ELF1: variants seen among roughly 807,000 people sequenced by gnomAD.
The protein encoded by ELF1 is E74 like ETS transcription factor 1.
In ELF1, 24 loss-of-function variants were observed where a neutral mutation model predicts 59.9. That is an observed-to-expected ratio of 0.40 (90% CI 0.29 to 0.56). ELF1 has a LOEUF of 0.56. Among genes scored for constraint, ELF1 ranks in the 20% least tolerant of loss-of-function variants. ELF1 has a pLI of 0.44. For synonymous variants in ELF1, 248 were observed against 266.2 expected, an observed-to-expected ratio of 0.93 and a Z score of 0.67; for missense variants, 627 against 742.2, an observed-to-expected ratio of 0.84 and a Z score of 1.80.
Position 40,945,774 on chromosome 13 carries a change from G to A in ELF1, c.530-1849C>T, listed in dbSNP as rs577751748. On this transcript the variant is annotated intron_variant, in intron 5 of 8. Coordinates refer to ENST00000239882, the MANE Select transcript of ELF1 (RefSeq NM_172373.4). ...TTTTTAATCCACACTAAATTTACTG[G>A]AGTTTACTAATTCTTTCTTAAGCAG... Among the ~76,000 whole-genome samples, 6 of 152,198 alleles carry A rather than the reference G, an allele frequency of 3.9e-5. No homozygotes were observed. The South Asian group carries it at 1.2e-3, about 32-fold the overall frequency.
At position 40,948,402 on chromosome 13, in the gene ELF1, T is replaced by C. The variant is rs140867860; in HGVS notation, c.529+1404A>G. Among the ~76,000 whole-genome samples, 41 of 152,312 alleles carry C rather than the reference T, an allele frequency of 2.7e-4. No individual in the cohort carries two copies. The East Asian group carries it at 4.6e-3, about 17-fold the overall frequency. On this transcript the variant is annotated intron_variant, in intron 5 of 8. Transcript: ENST00000239882. ...GCTGAGGTCTCTGTCCGATACCCCATCTTGCGTAGCCCAAGACCTAAGCTT... is the reference window on the plus strand; with the variant it reads ...GCTGAGGTCTCTGTCCGATACCCCACCTTGCGTAGCCCAAGACCTAAGCTT...
At chr13:40,948,868 G>A (rs1346513861) in intron 5 of ELF1, among the ~76,000 whole-genome samples, 2 of 152,218 alleles carry the variant, frequency 1.3e-5, no homozygotes, top group African/African-American at 4.8e-5. Context: ...GAAGGAAGCT[G>A]ACTAGACCTT....
At chr13:41,054,765 A>G (rs1246043551) in intron 1 of ELF1, among the ~76,000 whole-genome samples, 1 of 152,164 alleles carries the variant, frequency 6.6e-6, no homozygotes. Context: ...TGGAGTGGGA[A>G]CAGGAAAGGG....
At position 40,941,105 on chromosome 13, in the gene ELF1, G is replaced by T. The variant is rs868591014; in HGVS notation, c.1072C>A (p.Pro358Thr). ...TCTGATGGTTGTGCAACTTCCACAGGATCTTTGGGTTTTGCAGCTTTAGAA... is the reference window on the plus strand; with the variant it reads ...TCTGATGGTTGTGCAACTTCCACAGTATCTTTGGGTTTTGCAGCTTTAGAA... ...GNSKAAKPKDPVEVAQPSEVL... is the reference protein window; with the variant it reads ...GNSKAAKPKDTVEVAQPSEVL... The change falls in exon 8 of 9, where the codon CCT (proline) becomes ACT (threonine). Residue 358 changes from proline to threonine, a missense_variant. Coordinates refer to ENST00000239882, the MANE Select transcript of ELF1 (RefSeq NM_172373.4). The T allele has an allele frequency of 6.2e-7, 1 of 1,614,146 alleles. No individual in the cohort carries two copies. The highest frequency in any genetic ancestry group is 8.5e-7 in the Non-Finnish European group (1 of 1,180,028).
intron 2 of ELF1, 93 bp downstream of exon 2, chr13:40,981,890 T>G (rs575642419): frequency 4.2e-5 from 58 of 1,382,736 alleles, no homozygotes; most frequent in Non-Finnish European, 5.3e-5. Flanking sequence ...CAATAAAGTT[T>G]CTCTCATTGT....
intron 1 of ELF1, among the ~76,000 whole-genome samples, chr13:41,041,260 C>CA (rs11326566): frequency 0.18 from 20,897 of 114,972 alleles, 1,802 homozygotes; most frequent in East Asian, 0.33. Flanking sequence ...CTGGTTTCAT[C>CA]AAAAAAAAAA....
intron 7 of ELF1, among the ~76,000 whole-genome samples, chr13:40,941,899 T>C (rs548801578): frequency 6.6e-6 from 1 of 152,166 alleles, no homozygotes; most frequent in Non-Finnish European, 1.5e-5. Context: ...GCTGAAACGA[T>C]CCTTCCTTCT....
intron 8 of ELF1, among the ~76,000 whole-genome samples, chr13:40,938,221 A>G (rs967993505): frequency 6.6e-6 from 1 of 152,244 alleles, no homozygotes; most frequent in East Asian, 1.9e-4. Context: ...GGCAATTTTC[A>G]GAAAATAGTT....
In ELF1 at chr13:40,940,386, G is replaced by GAAAA. The variant is rs375400990; in HGVS notation, c.1256+531_1256+534dup. Among the ~76,000 whole-genome samples the GAAAA allele has an allele frequency of 5.3e-3, 576 of 109,518 alleles. 5 individuals are homozygous for GAAAA. Among genetic ancestry groups the GAAAA allele is most frequent in the East Asian group, 0.014 (28 of 1,956 alleles). The allele number at this position is 109,518 out of a possible 152,430, so 71.8% of individuals were successfully genotyped here. ...GCTCTGAGGCAAATCTGATTTAACT[G>GAAAA]AAAAAAAAAAAAAAAAAAAAAAAAA... On this transcript the variant is annotated intron_variant, in intron 8 of 8. Coordinates refer to ENST00000239882, the MANE Select transcript of ELF1 (RefSeq NM_172373.4).
In ELF1 at chr13:40,992,844, TC is replaced by T. The variant is rs1166788286; in HGVS notation, c.-228-10563del. The T allele has an allele frequency of 1.0e-4, 57 of 549,366 alleles. No homozygotes were observed. The Middle Eastern group carries it at 6.3e-3, about 61-fold the overall frequency. 34.0% of individuals were successfully genotyped at this position (549,366 alleles called of 1,614,324 possible). A position where few individuals can be genotyped will look rare whatever the true frequency, so the allele number is the denominator to read the frequency against. On this transcript the variant is annotated intron_variant, in intron 1 of 8. Coordinates refer to ENST00000239882, the MANE Select transcript of ELF1 (RefSeq NM_172373.4). ...CCAACAAATTTCTGTTGATCACCTC[TC>T]TAACTCAAGAATTCTCTAGCTCGAG...
At chr13:41,029,195 T>C (rs1403763472) in intron 1 of ELF1, among the ~76,000 whole-genome samples, 3 of 152,218 alleles carry the variant, frequency 2.0e-5, no homozygotes, top group Non-Finnish European at 4.4e-5. Context: ...AATTTCGTAA[T>C]TGTCTCTATT....
intron 1 of ELF1, among the ~76,000 whole-genome samples, chr13:41,016,816 A>G (rs1262700245): frequency 6.9e-6 from 1 of 145,678 alleles, no homozygotes; most frequent in African/African-American, 2.5e-5. Context: ...TGGGAGGCTG[A>G]GGCAGGAGAA....
At chr13:40,990,721 G>C (rs1163326199) in intron 1 of ELF1, among the ~76,000 whole-genome samples, 1 of 151,826 alleles carries the variant, frequency 6.6e-6, no homozygotes, top group Non-Finnish European at 1.5e-5. Context: ...CGGGCTTGGT[G>C]GTGTGTGCCT....
intron 7 of ELF1, 42 bp from the exon 8 acceptor site, chr13:40,941,412 T>A: frequency 6.7e-7 from 1 of 1,488,584 alleles, no homozygotes; most frequent in Non-Finnish European, 9.0e-7. Flanking sequence ...CAAACATCAA[T>A]TAAAATATTC....
intron 1 of ELF1, among the ~76,000 whole-genome samples, chr13:40,989,935 A>T (rs1003870296): frequency 6.6e-6 from 1 of 152,216 alleles, no homozygotes; most frequent in Admixed American, 6.5e-5. Context: ...GCATTGCAAA[A>T]TAACCAAGTG....
At chr13:41,021,158 T>C (rs1875675408), upstream of ELF1, among the ~76,000 whole-genome samples, 1 of 152,222 alleles carries the variant, frequency 6.6e-6, no homozygotes, top group African/African-American at 2.4e-5. Flanking sequence ...GTGTGAGATG[T>C]TTTATGTAGA....
At chr13:41,048,682 G>C (rs757732200) in intron 1 of ELF1, among the ~76,000 whole-genome samples, 95 of 151,732 alleles carry the variant, frequency 6.3e-4, no homozygotes, top group Non-Finnish European at 1.1e-3. Context: ...TAAAGTGCTG[G>C]GATTACAGTT....
intron 5 of ELF1, among the ~76,000 whole-genome samples, chr13:40,945,513 T>C (rs1566166985): frequency 6.6e-6 from 1 of 152,270 alleles, no homozygotes; most frequent in Non-Finnish European, 1.5e-5. Context: ...TGGGGAGAAC[T>C]TGAAGAGAGG....
intron 1 of ELF1, among the ~76,000 whole-genome samples, chr13:40,992,031 T>C (rs1050573198): frequency 2.0e-5 from 3 of 152,210 alleles, no homozygotes; most frequent in African/African-American, 7.2e-5. Flanking sequence ...TAGGGGAAAG[T>C]GCATTAAAAT....
Sources: gnomAD v4.1 joint callset for allele counts (sites outside exome capture counted in the v4.1 genomes callset) on GRCh38, gnomAD v4.1.1 for gene constraint, MANE v1.5 for transcripts, NCBI Gene and HGNC (gene_info 2026-07-23, HGNC 2026-07-21) for gene names.